SESTD1: variants seen among roughly 807,000 people sequenced by gnomAD.
SESTD1 encodes SEC14 domain and spectrin repeat-containing protein 1.
In SESTD1, 43 loss-of-function variants were observed where a neutral mutation model predicts 101.7. The observed-to-expected ratio is 0.42, with a 90% CI of 0.33 to 0.55. The LOEUF is 0.55. SESTD1 is among the 20% of genes least tolerant of loss of function. The pLI is 0.07. For missense variants in SESTD1, 647 were observed against 815.1 expected, an observed-to-expected ratio of 0.79 and a Z score of 2.51; for synonymous variants, 283 against 286.8, an observed-to-expected ratio of 0.99 and a Z score of 0.13.
At chr2:179,248,615 T>C (rs2047267543) in intron 1 of SESTD1, among the ~76,000 whole-genome samples, 1 of 151,720 alleles carries the variant, frequency 6.6e-6, no homozygotes, top group South Asian at 2.1e-4. Context: ...AACAATCACA[T>C]AATCATGAAC....
rs115519803 is a variant in SESTD1, at chr2:179,263,692, G to A, written c.-26+807C>T. ...CAAGAAAACCACGGGGGCTGTCAGA[G>A]CAACAGCCAAGTCCAAACCGTGCAT... On this transcript the variant is annotated intron_variant, in intron 1 of 17. Transcript: ENST00000428443. 7.5e-3 allele frequency among the ~76,000 whole-genome samples: 1,140 copies of A among 152,294 alleles called. 14 individuals are homozygous for A. Among genetic ancestry groups the A allele is most frequent in the African/African-American group, 0.025 (1,056 of 41,548 alleles).
chr2:179,196,474 T>C (rs2046395838), intron 1 of SESTD1, among the ~76,000 whole-genome samples: 2 of 152,246 alleles, frequency 1.3e-5, no homozygotes, highest in South Asian at 2.1e-4. Flanking sequence ...GGAGGCCTGC[T>C]TGCCTCTGTA....
At chr2:179,151,431 A>G in intron 5 of SESTD1, 40 bp from the exon 6 acceptor site, 1 of 1,476,630 alleles carries the variant, frequency 6.8e-7, no homozygotes, top group Non-Finnish European at 9.2e-7. Flanking sequence ...TTAGTAACCC[A>G]CTATTAAAAT....
Position 179,109,546 on chromosome 2 carries a change from C to A in SESTD1, c.*353G>T, listed in dbSNP as rs1458682769. ...TAAATCACCTGTGGAGGAAGGGCAA[C>A]TTTTTTTTTTCTTTTTAATAGAGAG... On this transcript the variant is annotated 3_prime_UTR_variant, in exon 18 of 18. Coordinates refer to ENST00000428443, the MANE Select transcript of SESTD1 (RefSeq NM_178123.5). 1.7e-5 allele frequency: 6 copies of A among 361,320 alleles called. No individual in the cohort carries two copies. Among genetic ancestry groups the A allele is most frequent in the Non-Finnish European group, 3.0e-5 (6 of 202,712 alleles). The allele number at this position is 361,320 out of a possible 1,614,324, so 22.4% of individuals were successfully genotyped here.
chr2:179,191,917 G>A (rs1472489044), intron 1 of SESTD1, 51 bp from the exon 2 acceptor site: 14 of 1,189,934 alleles, frequency 1.2e-5, no homozygotes, highest in Admixed American at 5.7e-5. Flanking sequence ...ATTATTCCAC[G>A]AAATATATCC....
chr2:179,175,025 G>A (rs900410435), intron 4 of SESTD1, among the ~76,000 whole-genome samples: 1 of 151,900 alleles, frequency 6.6e-6, no homozygotes, highest in Non-Finnish European at 1.5e-5. Flanking sequence ...TGAGGCAATG[G>A]GTAGAAAATT....
At chr2:179,255,483 C>T (rs2047380908) in intron 1 of SESTD1, among the ~76,000 whole-genome samples, 1 of 152,198 alleles carries the variant, frequency 6.6e-6, no homozygotes, top group Admixed American at 6.5e-5. Context: ...TTCCCTTAAG[C>T]CAAAGCCTAA....
intron 1 of SESTD1, chr2:179,264,246 CA>C (rs1488397388): frequency 6.6e-6 from 1 of 152,032 alleles, no homozygotes; most frequent in Non-Finnish European, 1.5e-5. Flanking sequence ...AGGCGGCCCG[CA>C]GGGCTCCCAC....
Position 179,212,026 on chromosome 2 carries a change from C to A in SESTD1, c.-25-20160G>T, listed in dbSNP as rs571539838. ...ATTGAAATAATTAAAAAATATCTTC[C>A]GTTCCAAGATGGCTGAATAGGAACA... On this transcript the variant is annotated intron_variant, in intron 1 of 17. Coordinates refer to ENST00000428443, the MANE Select transcript of SESTD1 (RefSeq NM_178123.5). Among the ~76,000 whole-genome samples, 6 of 134,754 alleles carry A rather than the reference C, an allele frequency of 4.5e-5. 1 individual carries two copies. Among genetic ancestry groups the A allele is most frequent in the African/African-American group, 1.8e-4 (6 of 34,034 alleles). 88.4% of individuals were successfully genotyped at this position (134,754 alleles called of 152,430 possible).
At chr2:179,237,540 A>G (rs1029006926) in intron 1 of SESTD1, among the ~76,000 whole-genome samples, 1 of 152,158 alleles carries the variant, frequency 6.6e-6, no homozygotes, top group African/African-American at 2.4e-5. Flanking sequence ...CCTTCCCTAC[A>G]AGTCCCAAGC....
intron 5 of SESTD1, among the ~76,000 whole-genome samples, chr2:179,161,357 A>T (rs1209122217): frequency 6.6e-6 from 1 of 152,218 alleles, no homozygotes; most frequent in Non-Finnish European, 1.5e-5. Context: ...AATCATTTAT[A>T]AAGTTACCTT....
intron 9 of SESTD1, among the ~76,000 whole-genome samples, chr2:179,143,264 T>G (rs954263103): frequency 6.6e-6 from 1 of 152,134 alleles, no homozygotes; most frequent in Non-Finnish European, 1.5e-5. Flanking sequence ...AACTAAGTTA[T>G]TAGAAATTAA....
At chr2:179,218,175 C>T (rs973163776) in intron 1 of SESTD1, among the ~76,000 whole-genome samples, 2 of 152,084 alleles carry the variant, frequency 1.3e-5, no homozygotes, top group African/African-American at 2.4e-5. Flanking sequence ...AGTCCACATT[C>T]TTCTACAATG....
At chr2:179,171,025 A>C (rs924425033) in intron 5 of SESTD1, among the ~76,000 whole-genome samples, 1 of 152,184 alleles carries the variant, frequency 6.6e-6, no homozygotes, top group Non-Finnish European at 1.5e-5. Flanking sequence ...AAACCTGAGA[A>C]GGGGCTTGTG....
At chr2:179,114,419 A>G in intron 16 of SESTD1, among the ~76,000 whole-genome samples, 1 of 152,226 alleles carries the variant, frequency 6.6e-6, no homozygotes, top group Admixed American at 6.5e-5. Flanking sequence ...ACTACATAAT[A>G]AAGTTCCTTT....
chr2:179,251,326 G>T (rs2047314198), intron 1 of SESTD1, among the ~76,000 whole-genome samples: 1 of 152,318 alleles, frequency 6.6e-6, no homozygotes, highest in East Asian at 1.9e-4. Flanking sequence ...TGCTACACAT[G>T]GGTGGGAAAC....
intron 1 of SESTD1, among the ~76,000 whole-genome samples, chr2:179,231,639 A>T (rs2046989932): frequency 1.3e-5 from 2 of 151,606 alleles, no homozygotes; most frequent in African/African-American, 2.4e-5. Flanking sequence ...GTCATTAAAA[A>T]TTTTTTCATT....
chr2:179,185,303 T>C (rs2046191964), intron 2 of SESTD1, among the ~76,000 whole-genome samples: 1 of 149,244 alleles, frequency 6.7e-6, no homozygotes, highest in African/African-American at 2.4e-5. Context: ...TCATCATTCA[T>C]ATCAGAGTAT....
At chr2:179,184,630 A>G (rs2046178984) in intron 2 of SESTD1, among the ~76,000 whole-genome samples, 1 of 152,182 alleles carries the variant, frequency 6.6e-6, no homozygotes, top group Admixed American at 6.6e-5. Context: ...TGGTTTGAAA[A>G]AATTTTCTCT....
Sources: allele counts gnomAD v4.1 joint callset (sites outside exome capture counted in the v4.1 genomes callset), GRCh38; gene constraint gnomAD v4.1.1; transcripts MANE v1.5; gene names NCBI Gene and HGNC (gene_info 2026-07-23, HGNC 2026-07-21).